The following ZBED6 variants were observed in gnomAD, a reference collection of about 807,000 sequenced individuals.
ZBED6 encodes zinc finger BED-type containing 6, also known as zinc finger BED domain-containing protein 6.
In ZBED6, 40 loss-of-function variants were observed where a neutral mutation model predicts 58.4. That is an observed-to-expected ratio of 0.68 (90% CI 0.53 to 0.89). ZBED6 has a LOEUF of 0.89. Among genes scored for constraint, ZBED6 ranks in the 40% least tolerant of loss-of-function variants. ZBED6 has a pLI of 0.00. For synonymous variants in ZBED6, 439 were observed against 350.6 expected, an observed-to-expected ratio of 1.25 and a Z score of -2.82; for missense variants, 1,057 against 1,003.9, an observed-to-expected ratio of 1.05 and a Z score of -0.71.
chr1:203,802,183 C>G (rs985706232), exon 1 of ZBED6: 1 of 152,602 alleles, frequency 6.6e-6, no homozygotes, highest in African/African-American at 2.4e-5. Flanking sequence ...TTTGGTTAAA[C>G]ACTCCCTGAT....
At chr1:203,800,994 T>A (rs1232655800) in exon 1 of ZBED6, 2 of 152,270 alleles carry the variant, frequency 1.3e-5, no homozygotes, top group Non-Finnish European at 2.9e-5. Flanking sequence ...CTTTATAATT[T>A]CAAATTGTTG....
At chr1:203,815,207 T>TTTTC (rs201257323) in intron 1 of ZBED6, among the ~76,000 whole-genome samples, 299 of 59,170 alleles carry the variant, frequency 5.1e-3, no homozygotes, top group African/African-American at 0.013. Flanking sequence ...ATTTTCTTCC[T>TTTTC]TTTCTTTTCT....
intron 16 of ZBED6, 54 bp from the exon 17 acceptor site, chr1:203,852,087 T>A: frequency 6.2e-7 from 1 of 1,608,662 alleles, no homozygotes; most frequent in Non-Finnish European, 8.5e-7. Context: ...ACTAGGTGAT[T>A]CAGCCAACTA....
chr1:203,805,870 A>C, intron 1 of ZBED6: 1 of 848,834 alleles, frequency 1.2e-6, no homozygotes, highest in Non-Finnish European at 2.0e-6. Context: ...CATGTCCACT[A>C]GCTGGTCTTG....
In ZBED6 at chr1:203,848,410, A is replaced by G; in HGVS notation, c.*4322+3A>G. The G allele has an allele frequency of 6.2e-7, 1 of 1,603,706 alleles. No individual in the cohort carries two copies. Among genetic ancestry groups the G allele is most frequent in the Non-Finnish European group, 8.5e-7 (1 of 1,175,800 alleles). On this transcript the variant is annotated splice_donor_region_variant and intron_variant, in intron 13 of 16. Coordinates refer to ENST00000550078, the Ensembl canonical transcript of ZBED6. ...GTATTAGAACAGAAGCTAAAGAGGT[A>G]AATTTAAGATTATTGTATGGTTTTG...
chr1:203,804,979 G>A (rs941931547), intron 1 of ZBED6, among the ~76,000 whole-genome samples: 1 of 151,560 alleles, frequency 6.6e-6, no homozygotes, highest in Non-Finnish European at 1.5e-5. Context: ...GGCCTGTCTC[G>A]TCTTTTTAAT....
intron 10 of ZBED6, among the ~76,000 whole-genome samples, chr1:203,839,784 T>TA (rs1426821316): frequency 6.6e-6 from 1 of 152,038 alleles, no homozygotes; most frequent in Non-Finnish European, 1.5e-5. Flanking sequence ...AGATATAAAG[T>TA]ACGTTTTTCT....
chr1:203,809,566 C>G (rs1673629357), intron 1 of ZBED6, among the ~76,000 whole-genome samples: 1 of 152,114 alleles, frequency 6.6e-6, no homozygotes, highest in Non-Finnish European at 1.5e-5. Context: ...AATAATATGT[C>G]CTTTTTCCTA....
At chr1:203,831,558 T>C (rs915665677) in intron 7 of ZBED6, 103 bp from the exon 8 acceptor site, 13 of 852,786 alleles carry the variant, frequency 1.5e-5, no homozygotes, top group Non-Finnish European at 9.5e-6. Context: ...AGTCATAATA[T>C]CAGTCTGTAT....
In ZBED6 at chr1:203,812,823, C is replaced by G. The variant is rs549889022; in HGVS notation, c.*2555-4103C>G. ...TCTTGAACTCCTGACCTCAGATGAC[C>G]CACCTGCCTCGGCCTCCCAAAGTGC... is the stretch of plus-strand genomic sequence containing the variant. On this transcript the variant is annotated intron_variant, in intron 1 of 16. Coordinates refer to ENST00000550078, the Ensembl canonical transcript of ZBED6. Among the ~76,000 whole-genome samples the G allele has an allele frequency of 9.9e-5, 15 of 152,196 alleles. No homozygotes were observed. In the South Asian group the frequency reaches 2.9e-3, roughly 29 times the overall value.
At chr1:203,842,322 T>C (rs1211572289) in intron 11 of ZBED6, among the ~76,000 whole-genome samples, 1 of 152,134 alleles carries the variant, frequency 6.6e-6, no homozygotes, top group Admixed American at 6.5e-5. Context: ...GAGCACTGAG[T>C]GAGCGAGACT....
intron 15 of ZBED6, 60 bp from the exon 16 acceptor site, chr1:203,850,997 G>T (rs1689111492): frequency 6.4e-7 from 1 of 1,572,656 alleles, no homozygotes; most frequent in Admixed American, 1.8e-5. Flanking sequence ...AAAAGAAAAT[G>T]AATATGCTCA....
At chr1:203,799,664 C>G (rs1293004723) in exon 1 of ZBED6, 3 of 705,166 alleles carry the variant, frequency 4.3e-6, no homozygotes, top group Admixed American at 2.0e-5. Flanking sequence ...AGGTGCTACC[C>G]CTAATCCATC....
At chr1:203,815,564 G>A (rs557331248) in intron 1 of ZBED6, among the ~76,000 whole-genome samples, 1 of 151,850 alleles carries the variant, frequency 6.6e-6, no homozygotes, top group African/African-American at 2.4e-5. Flanking sequence ...ATTGTGCATT[G>A]TTACCTTTAA....
rs536663009 is a variant in ZBED6, at chr1:203,828,738, TTGTAAAA to T, written c.*2997+318_*2997+324del. Among the ~76,000 whole-genome samples the T allele has an allele frequency of 2.3e-3, 351 of 152,336 alleles. 6 individuals are homozygous for T. In the East Asian group the frequency reaches 0.045, roughly 20 times the overall value. On this transcript the variant is annotated intron_variant, in intron 4 of 16. Coordinates refer to ENST00000550078, the Ensembl canonical transcript of ZBED6. Reference sequence around the variant, plus strand: ...TGGCAAAACTGGTCCTCTGCCTGTTTTGTAAAATAAGTTTTATTGGAATATAGCCTTG... The same window carrying T: ...TGGCAAAACTGGTCCTCTGCCTGTTTTAAGTTTTATTGGAATATAGCCTTG...
At chr1:203,816,928 T>G in exon 2 of ZBED6, 1 of 559,698 alleles carries the variant, frequency 1.8e-6, no homozygotes, top group Non-Finnish European at 3.2e-6. Flanking sequence ...CATTTTAGGA[T>G]TACAGTTTAA....
At chr1:203,799,997 A>C (rs1230958164) in exon 1 of ZBED6, 3 of 1,535,984 alleles carry the variant, frequency 2.0e-6, no homozygotes, top group Non-Finnish European at 2.6e-6. Flanking sequence ...TTACAGTGGG[A>C]GCTGATTCAT....
intron 1 of ZBED6, among the ~76,000 whole-genome samples, chr1:203,815,341 G>A (rs1319521600): frequency 7.3e-6 from 1 of 137,268 alleles, no homozygotes; most frequent in Admixed American, 7.6e-5. Flanking sequence ...CAGCTCCCCC[G>A]TGTAGCTGGG....
At chr1:203,798,361 T>C in exon 1 of ZBED6, 8 of 1,534,582 alleles carry the variant, frequency 5.2e-6, no homozygotes, top group African/African-American at 2.7e-5. Context: ...CCTCAGCACA[T>C]CTCAAGAGCT....
Sources: allele counts gnomAD v4.1 joint callset (sites outside exome capture counted in the v4.1 genomes callset), GRCh38; gene constraint gnomAD v4.1.1; transcripts MANE v1.5; gene names NCBI Gene and HGNC (gene_info 2026-07-23, HGNC 2026-07-21).